The following ONECUT2 variants were observed in gnomAD, a reference collection of about 807,000 sequenced individuals.
ONECUT2 encodes one cut domain family member 2.
In ONECUT2, 10 loss-of-function variants were observed where a neutral mutation model predicts 27.9. The ratio of observed to expected loss-of-function variants is 0.36; its 90% confidence interval spans 0.22 to 0.61. ONECUT2 has a LOEUF of 0.61. ONECUT2 is among the 20% of genes least tolerant of loss of function. The probability of loss-of-function intolerance (pLI) is 0.73; values close to 1 mark genes in which losing one functional copy is unlikely to be tolerated. For synonymous variants in ONECUT2, 334 were observed against 315.1 expected, an observed-to-expected ratio of 1.06 and a Z score of -0.64; for missense variants, 686 against 721.0, an observed-to-expected ratio of 0.95 and a Z score of 0.56.
chr18:57,441,822 C>A lies in ONECUT2; in HGVS notation c.1228+4878C>A, dbSNP rs1447516195. Among the ~76,000 whole-genome samples the A allele has an allele frequency of 3.3e-5, 5 of 152,372 alleles. No individual in the cohort carries two copies. The East Asian group carries it at 9.6e-4, about 29-fold the overall frequency. ...CAGGTGCATTCGTTGGACAATTAAA[C>A]GTGGCCCTAGTAACAAAAGCCTGAG... On this transcript the variant is annotated intron_variant, in intron 1 of 1. Transcript: ENST00000491143.
At chr18:57,437,024 C>CTTCGAATCAAGA in intron 1 of ONECUT2, 80 bp downstream of exon 1, 1 of 1,480,844 alleles carries the variant, frequency 6.8e-7, no homozygotes, top group Non-Finnish European at 9.0e-7. Flanking sequence ...GTCTGCGCGC[C>CTTCGAATCAAGA]GAGTCACTTC....
At chr18:57,453,061 GAC>G (rs968779070) in intron 1 of ONECUT2, among the ~76,000 whole-genome samples, 14 of 152,158 alleles carry the variant, frequency 9.2e-5, no homozygotes, top group African/African-American at 3.4e-4. Context: ...AAAAATACTT[GAC>G]AGTTTTGTCT....
chr18:57,452,948 G>A (rs147225043), intron 1 of ONECUT2, among the ~76,000 whole-genome samples: 1 of 152,172 alleles, frequency 6.6e-6, no homozygotes, highest in African/African-American at 2.4e-5. Context: ...ATATCAAAAA[G>A]ATCAAAATGT....
chr18:57,436,414 G>A lies in ONECUT2; in HGVS notation c.698G>A (p.Gly233Asp). The A allele has an allele frequency of 1.2e-6, 2 of 1,611,548 alleles. No individual in the cohort carries two copies. The highest frequency in any genetic ancestry group is 8.5e-7 in the Non-Finnish European group (1 of 1,179,846). Residue 233 changes from glycine to aspartate, a missense_variant, in exon 1 of 2, where the codon GGC becomes GAC. This residue lies in a region of ONECUT2 where 511 missense variants were observed against 488.1 expected (regional missense o/e 1.05). Coordinates refer to ENST00000491143, the MANE Select transcript of ONECUT2 (RefSeq NM_004852.3). This position sits in a 1 kb window ranked among gnomAD's most constrained non-coding sequence, Gnocchi z 5.9. ...TCCCCGCTGGCCGCCACGCCGCTGG[G>A]CAACGGGCTAGGCGGCCTCCACAAC... ...SLSPLAATPL[G>D]NGLGGLHNAQ... is the part of the protein sequence containing the mutation.
In ONECUT2 at chr18:57,477,942, G is replaced by A. The variant is rs1305672147; in HGVS notation, c.*1219G>A. 6.6e-6 allele frequency: 1 copy of A among 152,582 alleles called. No individual in the cohort carries two copies. The highest frequency in any genetic ancestry group is 2.4e-5 in the African/African-American group (1 of 41,410). The allele number at this position is 152,582 out of a possible 1,614,324, so 9.5% of individuals were successfully genotyped here. ...TGTCATCTAGTCCTAAATCTCTTCTGTTGTTGAATCATCCTTGCAAAACAG... is the reference window on the plus strand; with the variant it reads ...TGTCATCTAGTCCTAAATCTCTTCTATTGTTGAATCATCCTTGCAAAACAG... On this transcript the variant is annotated 3_prime_UTR_variant, in exon 2 of 2. Transcript: ENST00000491143.
In ONECUT2 at chr18:57,436,067, C is replaced by T. The variant is rs1218964654; in HGVS notation, c.351C>T (p.Gly117=). 6.9e-6 allele frequency: 11 copies of T among 1,595,198 alleles called. No individual in the cohort carries two copies. In the East Asian group the frequency reaches 1.1e-4, roughly 16 times the overall value. Reference sequence around the variant, plus strand: ...GCATGGCCTCGATCCTGGACGGCGGCGACTACCGGCCCGAGCTCTCCATCC... The same window carrying T: ...GCATGGCCTCGATCCTGGACGGCGGTGACTACCGGCCCGAGCTCTCCATCC... ...VTSMASILDG[G]DYRPELSIPL... Residue 117 remains glycine, a synonymous_variant, in exon 1 of 2, where the codon GGC becomes GGT. Transcript: ENST00000491143. This position sits in a 1 kb window ranked among gnomAD's most constrained non-coding sequence, Gnocchi z 5.9.
chr18:57,436,333 C>T lies in ONECUT2; in HGVS notation c.617C>T (p.Ala206Val). The change falls in exon 1 of 2, where the codon GCC (alanine) becomes GTC (valine). Residue 206 changes from alanine to valine, a missense_variant. Around this residue, in one of 4 missense-constraint regions of ONECUT2, gnomAD observed 511 missense variants for 488.1 expected, o/e 1.05. Transcript: ENST00000491143. This position sits in a 1 kb window ranked among gnomAD's most constrained non-coding sequence, Gnocchi z 5.9. ...ATGCGCGACGAGCGCGGGCTCCCGG[C>T]CATGAACAACCTCTACAGTCCCTAC... ...TLMRDERGLP[A>V]MNNLYSPYKE... is the part of the protein sequence containing the mutation. 6.2e-7 allele frequency: 1 copy of T among 1,605,140 alleles called. No individual in the cohort carries two copies. The highest frequency in any genetic ancestry group is 8.5e-7 in the Non-Finnish European group (1 of 1,179,814).
chr18:57,476,876 T>C lies in ONECUT2; in HGVS notation c.*153T>C. The C allele has an allele frequency of 1.2e-6, 1 of 861,664 alleles. No homozygotes were observed. The highest frequency in any genetic ancestry group is 1.7e-5 in the African/African-American group (1 of 58,774). 53.4% of individuals were successfully genotyped at this position (861,664 alleles called of 1,614,324 possible). On this transcript the variant is annotated 3_prime_UTR_variant, in exon 2 of 2. Transcript: ENST00000491143. ...CTTGCAAAGAAACTTATATTCTAGC[T>C]GTAATCATAGGCCAGGTGTTCTTCT...
intron 1 of ONECUT2, among the ~76,000 whole-genome samples, chr18:57,470,661 T>C (rs2050348111): frequency 6.6e-6 from 1 of 152,122 alleles, no homozygotes; most frequent in African/African-American, 2.4e-5. Flanking sequence ...CTAACACCAC[T>C]GCACCTGCGG....
Position 57,466,211 on chromosome 18 carries a change from A to G in ONECUT2, c.1229-10226A>G, listed in dbSNP as rs570352401. ...TCAAAAGGCAGCACCTACCAAGTAG[A>G]TGGATGGCTGCTGAATTTAAATTTC... is the stretch of plus-strand genomic sequence containing the variant. On this transcript the variant is annotated intron_variant, in intron 1 of 1. Transcript: ENST00000491143. Among the ~76,000 whole-genome samples, 4 of 152,308 alleles carry G rather than the reference A, an allele frequency of 2.6e-5. No individual in the cohort carries two copies. The East Asian group carries it at 7.7e-4, about 29-fold the overall frequency.
chr18:57,450,836 G>A (rs1288903538), intron 1 of ONECUT2, among the ~76,000 whole-genome samples: 1 of 151,998 alleles, frequency 6.6e-6, no homozygotes, highest in Non-Finnish European at 1.5e-5. Context: ...AAAAACAGAG[G>A]TTAATATTTT....
At chr18:57,456,766 T>C (rs1023372328) in intron 1 of ONECUT2, among the ~76,000 whole-genome samples, 3 of 152,210 alleles carry the variant, frequency 2.0e-5, no homozygotes, top group Admixed American at 2.0e-4. Context: ...AGAAAGATTG[T>C]TTGTTATTTA....
chr18:57,460,962 C>T (rs889372922), intron 1 of ONECUT2, among the ~76,000 whole-genome samples: 2 of 152,202 alleles, frequency 1.3e-5, no homozygotes, highest in African/African-American at 2.4e-5. Flanking sequence ...GGCATTATGG[C>T]GTGAGCCACC....
rs2050424269 is a variant in ONECUT2 at position 57,483,205 on chromosome 18, T to A, written c.*6482T>A. The A allele has an allele frequency of 6.6e-6, 1 of 152,284 alleles. No homozygotes were observed. The highest frequency in any genetic ancestry group is 1.5e-5 in the Non-Finnish European group (1 of 67,980). 9.4% of individuals were successfully genotyped at this position (152,284 alleles called of 1,614,324 possible). A position where few individuals can be genotyped will look rare whatever the true frequency, so the allele number is the denominator to read the frequency against. Reference sequence around the variant, plus strand: ...CTGATGGGGAGACAGTGGGCTCTGGTTTCCAGGATTGAGACAATGGTACTG... The same window carrying A: ...CTGATGGGGAGACAGTGGGCTCTGGATTCCAGGATTGAGACAATGGTACTG... On this transcript the variant is annotated 3_prime_UTR_variant, in exon 2 of 2. Coordinates refer to ENST00000491143, the MANE Select transcript of ONECUT2 (RefSeq NM_004852.3).
intron 1 of ONECUT2, among the ~76,000 whole-genome samples, chr18:57,462,635 T>C (rs918703987): frequency 1.3e-5 from 2 of 151,936 alleles, no homozygotes; most frequent in Non-Finnish European, 2.9e-5. Context: ...GGCCCCAATA[T>C]ATAACTATTT....
chr18:57,470,434 A>G (rs2050346913), intron 1 of ONECUT2, among the ~76,000 whole-genome samples: 1 of 152,168 alleles, frequency 6.6e-6, no homozygotes, highest in African/African-American at 2.4e-5. Context: ...TAAAATGGGA[A>G]TCCATACCTC....
Position 57,476,693 on chromosome 18 carries a change from G to A in ONECUT2, c.1485G>A (p.Ser495=), listed in dbSNP as rs767911692. 3.0e-5 allele frequency: 48 copies of A among 1,613,954 alleles called. No individual in the cohort carries two copies. The highest frequency in any genetic ancestry group is 3.3e-4 in the Middle Eastern group (2 of 6,074). Residue 495 remains serine, a synonymous_variant, in exon 2 of 2, where the codon TCG becomes TCA. Transcript: ENST00000491143. ...ACGATCTGAGCACAGGGGGCTCCTCGTCCACCTCCAGCACGTGTACCAAAG... is the reference window on the plus strand; with the variant it reads ...ACGATCTGAGCACAGGGGGCTCCTCATCCACCTCCAGCACGTGTACCAAAG... ...WQDDLSTGGS[S]STSSTCTKA is the part of the protein sequence containing the mutation.
Position 57,489,751 on chromosome 18 carries a change from T to C in ONECUT2, c.*13028T>C, listed in dbSNP as rs1015704827. 1.3e-5 allele frequency: 2 copies of C among 152,174 alleles called. No individual in the cohort carries two copies. Among genetic ancestry groups the C allele is most frequent in the Non-Finnish European group, 2.9e-5 (2 of 68,030 alleles). 9.4% of individuals were successfully genotyped at this position (152,174 alleles called of 1,614,324 possible). A position where few individuals can be genotyped will look rare whatever the true frequency, so the allele number is the denominator to read the frequency against. ...AATATTATTTCCTTTCTTTACAGTT[T>C]TGTGTTACACAAGTCCAAGTGGTGC... is the stretch of plus-strand genomic sequence containing the variant. On this transcript the variant is annotated 3_prime_UTR_variant, in exon 2 of 2. Transcript: ENST00000491143.
In ONECUT2 at chr18:57,484,640, T is replaced by C. The variant is rs2050430249; in HGVS notation, c.*7917T>C. ...CTATCCCCGCTGGGACCTGTCACAGTAAAGACTGCCAATTACTGAACCACA... is the reference window on the plus strand; with the variant it reads ...CTATCCCCGCTGGGACCTGTCACAGCAAAGACTGCCAATTACTGAACCACA... On this transcript the variant is annotated 3_prime_UTR_variant, in exon 2 of 2. Coordinates refer to ENST00000491143, the MANE Select transcript of ONECUT2 (RefSeq NM_004852.3). 1.3e-5 allele frequency: 2 copies of C among 152,276 alleles called. No homozygotes were observed. Among genetic ancestry groups the C allele is most frequent in the Admixed American group, 6.5e-5 (1 of 15,282 alleles). 9.4% of individuals were successfully genotyped at this position (152,276 alleles called of 1,614,324 possible). A position where few individuals can be genotyped will look rare whatever the true frequency, so the allele number is the denominator to read the frequency against.
Sources: gnomAD v4.1 joint callset for allele counts (sites outside exome capture counted in the v4.1 genomes callset) on GRCh38, gnomAD v4.1.1 for gene constraint, gnomAD v4.1.1 regional missense constraint, Gnocchi (gnomAD v3.1) non-coding constraint, MANE v1.5 for transcripts, NCBI Gene and HGNC (gene_info 2026-07-23, HGNC 2026-07-21) for gene names.